SEC24D: variants seen among roughly 807,000 people sequenced by gnomAD.
The protein encoded by SEC24D is SEC24 homolog D, COPII component, also known as protein transport protein Sec24D.
Under a neutral mutation model 116.9 loss-of-function variants are expected in SEC24D, and 69 were observed. The observed-to-expected ratio is 0.59, with a 90% CI of 0.49 to 0.72. The LOEUF is 0.72. SEC24D is among the 30% of genes least tolerant of loss of function. SEC24D has a pLI of 0.00. For synonymous variants in SEC24D, 405 were observed against 442.8 expected, an observed-to-expected ratio of 0.91 and a Z score of 1.07; for missense variants, 1,131 against 1,264.1, an observed-to-expected ratio of 0.89 and a Z score of 1.60.
At chr4:118,755,306 T>C (rs1727034362) in intron 11 of SEC24D, among the ~76,000 whole-genome samples, 1 of 152,082 alleles carries the variant, frequency 6.6e-6, no homozygotes, top group Non-Finnish European at 1.5e-5. Context: ...ATGTTCTTTT[T>C]TTCAATGATT....
At chr4:118,834,658 C>T (rs1731014375) in intron 1 of SEC24D, among the ~76,000 whole-genome samples, 1 of 152,074 alleles carries the variant, frequency 6.6e-6, no homozygotes, top group Non-Finnish European at 1.5e-5. Flanking sequence ...CTATGTCTGC[C>T]ATACTTAACT....
intron 2 of SEC24D, among the ~76,000 whole-genome samples, chr4:118,829,811 T>A: frequency 6.7e-6 from 1 of 148,240 alleles, no homozygotes; most frequent in East Asian, 2.0e-4. Flanking sequence ...AAACTCCGTC[T>A]CAAAAAAAAA....
At chr4:118,749,992 C>T (rs761967010) in intron 13 of SEC24D, among the ~76,000 whole-genome samples, 1 of 152,042 alleles carries the variant, frequency 6.6e-6, no homozygotes, top group Non-Finnish European at 1.5e-5. Flanking sequence ...TGAAGTTATC[C>T]TGAGTTGTTA....
chr4:118,728,494 T>C (rs1725519820), intron 22 of SEC24D, 67 bp downstream of exon 22: 1 of 867,606 alleles, frequency 1.2e-6, no homozygotes, highest in Non-Finnish European at 1.9e-6. Context: ...ATATAGGGTG[T>C]GCATGTTAAG....
At chr4:118,796,242 T>C (rs1355003297) in intron 8 of SEC24D, among the ~76,000 whole-genome samples, 1 of 152,170 alleles carries the variant, frequency 6.6e-6, no homozygotes, top group Non-Finnish European at 1.5e-5. Context: ...TCTAGTTAAG[T>C]TTTTCTTTAA....
chr4:118,825,993 G>A (rs1010505287), intron 2 of SEC24D, among the ~76,000 whole-genome samples: 21 of 151,802 alleles, frequency 1.4e-4, no homozygotes, highest in African/African-American at 5.1e-4. Flanking sequence ...AATGCTTTCA[G>A]ATGTTTGCAT....
rs756680354 is a variant in SEC24D at position 118,732,885 on chromosome 4, A to G, written c.2524T>C (p.Leu842=). ...QLILPDSMKV[L]PVYMNCLLKN... ...AACAAGCAATTCATGTACACTGGCAATACTTTCATGGAATCTGGTAGAATA... is the reference window on the plus strand; with the variant it reads ...AACAAGCAATTCATGTACACTGGCAGTACTTTCATGGAATCTGGTAGAATA... Residue 842 remains leucine, a synonymous_variant, in exon 20 of 23, where the codon TTG becomes CTG. Transcript: ENST00000280551. 2 of 1,613,888 alleles carry G rather than the reference A, an allele frequency of 1.2e-6. No individual in the cohort carries two copies. Among genetic ancestry groups the G allele is most frequent in the South Asian group, 1.1e-5 (1 of 91,010 alleles).
At chr4:118,744,734 A>G (rs1033193541) in intron 14 of SEC24D, among the ~76,000 whole-genome samples, 5 of 152,312 alleles carry the variant, frequency 3.3e-5, no homozygotes, top group South Asian at 4.1e-4. Flanking sequence ...CTGGGGCCTT[A>G]TTTTAATTTA....
At chr4:118,777,276 T>A (rs1205245476) in intron 8 of SEC24D, among the ~76,000 whole-genome samples, 1 of 152,064 alleles carries the variant, frequency 6.6e-6, no homozygotes, top group Non-Finnish European at 1.5e-5. Flanking sequence ...GCCCTCCACC[T>A]CACAACAGAC....
At chr4:118,828,928 T>C (rs886521162) in intron 2 of SEC24D, among the ~76,000 whole-genome samples, 4 of 152,206 alleles carry the variant, frequency 2.6e-5, no homozygotes, top group Admixed American at 6.5e-5. Flanking sequence ...TCCTGAAAAG[T>C]ACCGCCTTCC....
chr4:118,815,489 G>A lies in SEC24D; in HGVS notation c.635C>T (p.Pro212Leu), dbSNP rs868225411. The change falls in exon 5 of 23, where the codon CCA (proline) becomes CTA (leucine). Residue 212 changes from proline (P) to leucine (L), a missense_variant. Pro to Leu is a moderately conservative substitution (Grantham distance 98). Coordinates refer to ENST00000280551, the MANE Select transcript of SEC24D (RefSeq NM_014822.4). The stretch of plus-strand genomic sequence containing the variant: ...ATATCCAGCACCCAAGGTCTGGCCT[G>A]GAAGAGGTGGGGGCTGGTACTGGGC... ...PNAQYQPPPL[P>L]GQTLGAGYPP... 6.2e-7 allele frequency: 1 copy of A among 1,614,214 alleles called. No homozygotes were observed.
At chr4:118,797,935 T>G (rs776206989) in intron 7 of SEC24D, 125 bp from the exon 8 acceptor site, 1 of 715,004 alleles carries the variant, frequency 1.4e-6, no homozygotes, top group African/African-American at 1.8e-5. Context: ...AAAACTCTCT[T>G]CATGATTTGT....
chr4:118,811,778 CAAT>C (rs1411082398), intron 6 of SEC24D, among the ~76,000 whole-genome samples: 1 of 152,158 alleles, frequency 6.6e-6, no homozygotes, highest in Admixed American at 6.5e-5. Context: ...ATATGATTAT[CAAT>C]AAAGGCACTA....
chr4:118,752,623 T>C lies in SEC24D; in HGVS notation c.1613+74A>G, dbSNP rs1578399992. ...TTGCTAATGATAAAACAATGTATGA[T>C]TGAATCAAAACACAGTGCAATTAAA... On this transcript the variant is annotated intron_variant, in intron 12 of 22. Coordinates refer to ENST00000280551, the MANE Select transcript of SEC24D (RefSeq NM_014822.4). 4.9e-6 allele frequency: 5 copies of C among 1,010,638 alleles called. No homozygotes were observed. The Admixed American group carries it at 1.4e-4, about 28-fold the overall frequency. The allele number at this position is 1,010,638 out of a possible 1,614,324, so 62.6% of individuals were successfully genotyped here.
At chr4:118,747,283 G>C (rs1009197694) in intron 13 of SEC24D, among the ~76,000 whole-genome samples, 1 of 30,014 alleles carries the variant, frequency 3.3e-5, no homozygotes. Context: ...TTTTTTTTTT[G>C]AGATGAAGTT....
intron 13 of SEC24D, among the ~76,000 whole-genome samples, chr4:118,749,358 GT>G (rs1231680647): frequency 2.6e-5 from 4 of 152,094 alleles, no homozygotes; most frequent in Non-Finnish European, 4.4e-5. Context: ...TTTTTGGTTA[GT>G]TTTTGTCTAC....
chr4:118,751,176 C>CTTTTTTTGTTTTTTTTTTTTTTT (rs1726809313), intron 13 of SEC24D, among the ~76,000 whole-genome samples: 1 of 100,326 alleles, frequency 1.0e-5, no homozygotes, highest in Non-Finnish European at 2.0e-5. Flanking sequence ...AGAGTGAGGG[C>CTTTTTTTGTTTTTTTTTTTTTTT]TTTTTTTTTT....
intron 7 of SEC24D, among the ~76,000 whole-genome samples, chr4:118,804,071 T>C (rs1424989761): frequency 3.3e-5 from 5 of 152,176 alleles, no homozygotes; most frequent in Admixed American, 3.3e-4. Context: ...CCAAGATTTG[T>C]GGGAGAGACC....
At chr4:118,781,889 T>C (rs898347315) in intron 8 of SEC24D, among the ~76,000 whole-genome samples, 1 of 152,230 alleles carries the variant, frequency 6.6e-6, no homozygotes, top group Non-Finnish European at 1.5e-5. Flanking sequence ...TACTGAAGCT[T>C]GTGCATGCGT....
Sources: allele counts gnomAD v4.1 joint callset (sites outside exome capture counted in the v4.1 genomes callset), GRCh38; gene constraint gnomAD v4.1.1; transcripts MANE v1.5; gene names NCBI Gene and HGNC (gene_info 2026-07-23, HGNC 2026-07-21).